The following SGMS1 variants were observed in gnomAD, a reference collection of about 807,000 sequenced individuals.
SGMS1 encodes the protein sphingomyelin synthase 1, also known as phosphatidylcholine:ceramide cholinephosphotransferase 1.
In SGMS1, 13 loss-of-function variants were observed where a neutral mutation model predicts 46.2. That is an observed-to-expected ratio of 0.28 (90% CI 0.18 to 0.45). SGMS1 has a LOEUF of 0.45. Ranked by LOEUF, SGMS1 falls within the 20% of genes least tolerant of loss-of-function variation. The pLI, the probability that SGMS1 is intolerant of heterozygous loss-of-function variation, is 1.00. For synonymous variants in SGMS1, 203 were observed against 187.8 expected, an observed-to-expected ratio of 1.08 and a Z score of -0.66; for missense variants, 324 against 519.9, an observed-to-expected ratio of 0.62 and a Z score of 3.66.
At chr10:50,399,768 C>T (rs1346611455) in intron 6 of SGMS1, among the ~76,000 whole-genome samples, 1 of 152,160 alleles carries the variant, frequency 6.6e-6, no homozygotes, top group Admixed American at 6.5e-5. Flanking sequence ...GCGGCTCACA[C>T]CTGTAATCCC....
At chr10:50,613,321 T>A (rs1415619572) in intron 1 of SGMS1, among the ~76,000 whole-genome samples, 1 of 152,202 alleles carries the variant, frequency 6.6e-6, no homozygotes, top group African/African-American at 2.4e-5. Flanking sequence ...TACTCACTAC[T>A]TGGTGATGAC....
intron 3 of SGMS1, among the ~76,000 whole-genome samples, chr10:50,513,197 C>A (rs551023325): frequency 6.6e-6 from 1 of 152,262 alleles, no homozygotes; most frequent in Admixed American, 6.5e-5. Context: ...AGGTTTCAAC[C>A]AAGAAGAACC....
intron 5 of SGMS1, among the ~76,000 whole-genome samples, chr10:50,459,541 C>A (rs1380613291): frequency 2.0e-5 from 3 of 152,058 alleles, no homozygotes; most frequent in Non-Finnish European, 4.4e-5. Context: ...GTAGCTGGGA[C>A]TACAGGCACC....
At chr10:50,593,258 G>A (rs964935322) in intron 1 of SGMS1, among the ~76,000 whole-genome samples, 4 of 152,234 alleles carry the variant, frequency 2.6e-5, no homozygotes, top group African/African-American at 9.6e-5. Flanking sequence ...ATAGATGGCA[G>A]CAGCTTCAGT....
In SGMS1 at chr10:50,322,476, A is replaced by G. The variant is rs547018303; in HGVS notation, c.741+4729T>C. Among the ~76,000 whole-genome samples the G allele has an allele frequency of 3.4e-4, 52 of 152,362 alleles. 1 individual carries two copies. The highest frequency in any genetic ancestry group is 1.2e-3 in the African/African-American group (49 of 41,584). On this transcript the variant is annotated intron_variant, in intron 8 of 10. Coordinates refer to ENST00000361781, the MANE Select transcript of SGMS1 (RefSeq NM_147156.4). ...TTACCAACGGGAAGCTTACAACACC[A>G]AAGAATTCTCAAATATTCTGCCCCT...
chr10:50,366,514 TG>T (rs1251900108), intron 6 of SGMS1, among the ~76,000 whole-genome samples: 1 of 152,144 alleles, frequency 6.6e-6, no homozygotes, highest in African/African-American at 2.4e-5. Flanking sequence ...ATGTTTATTG[TG>T]GCACTATTCA....
At chr10:50,490,261 A>G (rs1837556293) in intron 3 of SGMS1, among the ~76,000 whole-genome samples, 1 of 152,232 alleles carries the variant, frequency 6.6e-6, no homozygotes, top group African/African-American at 2.4e-5. Context: ...ATTCTAAATT[A>G]TGAGCTAGAG....
chr10:50,442,470 A>C (rs1849558635), intron 5 of SGMS1, among the ~76,000 whole-genome samples: 1 of 152,180 alleles, frequency 6.6e-6, no homozygotes, highest in Non-Finnish European at 1.5e-5. Context: ...TAGTTTGCTA[A>C]GAATAACGGC....
rs188843460 is a variant in SGMS1 at position 50,514,222 on chromosome 10, C to T, written c.-498+5609G>A. Among the ~76,000 whole-genome samples, 12 of 152,200 alleles carry T rather than the reference C, an allele frequency of 7.9e-5. No individual in the cohort carries two copies. In the East Asian group the frequency reaches 9.6e-4, roughly 12 times the overall value. On this transcript the variant is annotated intron_variant, in intron 3 of 10. Transcript: ENST00000361781. ...CCATTTTTCCAAACTCATAAAAGGG[C>T]GAGGAGAAGAAAAACTAACATTCTG...
intron 5 of SGMS1, among the ~76,000 whole-genome samples, chr10:50,436,865 T>C (rs766725211): frequency 2.0e-5 from 3 of 152,168 alleles, no homozygotes; most frequent in Non-Finnish European, 4.4e-5. Context: ...TAAGAAGAAT[T>C]TGGGCTTCCT....
chr10:50,325,625 C>T (rs1847518480), intron 8 of SGMS1, among the ~76,000 whole-genome samples: 1 of 152,174 alleles, frequency 6.6e-6, no homozygotes, highest in Non-Finnish European at 1.5e-5. Context: ...CAATGGCTCA[C>T]CAAGTATGGG....
intron 9 of SGMS1, among the ~76,000 whole-genome samples, chr10:50,310,838 C>G (rs1847241847): frequency 6.6e-6 from 1 of 152,216 alleles, no homozygotes; most frequent in Admixed American, 6.5e-5. Context: ...TGACCCATCA[C>G]TGTACCCTCA....
At chr10:50,534,294 G>A (rs1162013275) in intron 2 of SGMS1, among the ~76,000 whole-genome samples, 1 of 152,174 alleles carries the variant, frequency 6.6e-6, no homozygotes, top group East Asian at 1.9e-4. Context: ...TAACTAAAAA[G>A]AAGTTAAAAT....
chr10:50,555,078 C>CCAGCAT (rs1224732925), intron 2 of SGMS1, among the ~76,000 whole-genome samples: 8 of 152,184 alleles, frequency 5.3e-5, no homozygotes, highest in African/African-American at 1.9e-4. Flanking sequence ...GCAGGTGTCA[C>CCAGCAT]CAGCATCATG....
At chr10:50,624,645 G>A (rs1838900835), upstream of SGMS1, 1 of 985,464 alleles carries the variant, frequency 1.0e-6, no homozygotes, top group Non-Finnish European at 1.2e-6. Context: ...AAAACCCGGA[G>A]AGCGGCTAGG....
chr10:50,517,160 AT>A lies in SGMS1; in HGVS notation c.-498+2670del, dbSNP rs1837813675. On this transcript the variant is annotated intron_variant, in intron 3 of 10. Transcript: ENST00000361781. ...TAATACTTCAAGATTCCAAGACATA[AT>A]TATCAAGCAAATATTAGCATGTAAT... Among the ~76,000 whole-genome samples, 7 of 152,320 alleles carry A rather than the reference AT, an allele frequency of 4.6e-5. No homozygotes were observed. In the South Asian group the frequency reaches 1.2e-3, roughly 27 times the overall value.
At chr10:50,585,728 A>G (rs1164323813) in intron 2 of SGMS1, among the ~76,000 whole-genome samples, 2 of 152,246 alleles carry the variant, frequency 1.3e-5, no homozygotes, top group East Asian at 1.9e-4. Context: ...ACTTGATCTT[A>G]GCCAAAAGGC....
At chr10:50,611,306 T>C (rs1207290675) in intron 1 of SGMS1, among the ~76,000 whole-genome samples, 6 of 152,204 alleles carry the variant, frequency 3.9e-5, no homozygotes, top group Non-Finnish European at 5.9e-5. Context: ...AACCCTGTAC[T>C]ACTGTGGACA....
chr10:50,328,760 T>C (rs1847568991), intron 7 of SGMS1, among the ~76,000 whole-genome samples: 1 of 152,204 alleles, frequency 6.6e-6, no homozygotes, highest in South Asian at 2.1e-4. Flanking sequence ...TTATTCAGCA[T>C]AAAGCTGTCT....
Sources: allele counts gnomAD v4.1 joint callset (sites outside exome capture counted in the v4.1 genomes callset), GRCh38; gene constraint gnomAD v4.1.1; transcripts MANE v1.5; gene names NCBI Gene and HGNC (gene_info 2026-07-23, HGNC 2026-07-21).